Variants in DIAPH2 observed in about 807,000 individuals in gnomAD.
The protein encoded by DIAPH2 is protein diaphanous homolog 2.
A neutral mutation model predicts 92.7 loss-of-function variants in DIAPH2; 35 were observed. The observed-to-expected ratio is 0.38, with a 90% CI of 0.29 to 0.50. The LOEUF is 0.50. Ranked by LOEUF, DIAPH2 falls within the 20% of genes least tolerant of loss-of-function variation. DIAPH2 has a pLI of 0.94. For synonymous variants in DIAPH2, 301 were observed against 280.4 expected (o/e 1.07, Z -0.73); for missense variants, 701 against 819.5 (o/e 0.86, Z 1.77).
chrX:97,142,407 A>G (rs183616069), intron 22 of DIAPH2, among the ~76,000 whole-genome samples: 5 of 111,505 alleles, frequency 4.5e-5, no homozygotes, highest in Non-Finnish European at 9.4e-5. Context: ...GAGCAAGGCA[A>G]AGTGGCAGAA....
At chrX:97,568,400 A>C (rs2071342889) in intron 26 of DIAPH2, among the ~76,000 whole-genome samples, 1 of 111,141 alleles carries the variant, frequency 9.0e-6, no homozygotes, top group Non-Finnish European at 1.9e-5. Flanking sequence ...ATAACAAAAT[A>C]GAAGGAGTGT....
At chrX:97,188,209 G>A (rs2067623862) in intron 22 of DIAPH2, among the ~76,000 whole-genome samples, 1 of 112,175 alleles carries the variant, frequency 8.9e-6, no homozygotes, top group Non-Finnish European at 1.9e-5. Context: ...CAAAATCTGT[G>A]CTTTATCTCA....
At chrX:97,099,272 A>G (rs1002829108) in intron 19 of DIAPH2, among the ~76,000 whole-genome samples, 2 of 110,551 alleles carry the variant, frequency 1.8e-5, no homozygotes, top group Non-Finnish European at 3.8e-5. Context: ...AGGCTGAGGC[A>G]GGAGAATGGC....
At position 96,888,162 on chromosome X, in the gene DIAPH2, G is replaced by A. The variant is rs753060762; in HGVS notation, c.587+6444G>A. Among the ~76,000 whole-genome samples the A allele has an allele frequency of 2.4e-4, 26 of 109,426 alleles. No homozygotes were observed. The East Asian group carries it at 6.6e-3, about 28-fold the overall frequency. ...TGCAACCTCTGCCTCCCAGGTTCAA[G>A]TGATTCTCCTGCCTCAGCCTCCTGA... On this transcript the variant is annotated intron_variant, in intron 5 of 26. Coordinates refer to ENST00000324765, the MANE Select transcript of DIAPH2 (RefSeq NM_006729.5).
At chrX:96,914,894 T>G (rs2065493250) in intron 7 of DIAPH2, among the ~76,000 whole-genome samples, 1 of 111,290 alleles carries the variant, frequency 9.0e-6, no homozygotes, top group Non-Finnish European at 1.9e-5. Flanking sequence ...GAATAGAAAA[T>G]ATGCAGTGAT....
At chrX:96,990,575 A>T (rs920025617) in intron 17 of DIAPH2, among the ~76,000 whole-genome samples, 5 of 110,674 alleles carry the variant, frequency 4.5e-5, no homozygotes, top group Non-Finnish European at 7.6e-5. Flanking sequence ...TTTTCGAAAA[A>T]GTTTTGTTTG....
chrX:97,394,453 C>T (rs916997488), intron 25 of DIAPH2, among the ~76,000 whole-genome samples: 2 of 111,274 alleles, frequency 1.8e-5, no homozygotes, highest in African/African-American at 6.5e-5. Context: ...GCAAAGATTT[C>T]AAGAAATCTA....
At chrX:97,376,007 T>C (rs962469581) in intron 24 of DIAPH2, among the ~76,000 whole-genome samples, 4 of 110,718 alleles carry the variant, frequency 3.6e-5, no homozygotes, top group African/African-American at 3.3e-5. Flanking sequence ...AGAAGTAAAA[T>C]TAAACTCCTA....
At chrX:97,067,710 A>G in intron 17 of DIAPH2, among the ~76,000 whole-genome samples, 1 of 111,985 alleles carries the variant, frequency 8.9e-6, no homozygotes. Context: ...TACTGCATGT[A>G]CCATTTTCCA....
chrX:96,717,816 G>GTATATATATA (rs61272505), intron 1 of DIAPH2, among the ~76,000 whole-genome samples: 12 of 36,372 alleles, frequency 3.3e-4, no homozygotes, highest in Non-Finnish European at 4.9e-4. Context: ...TGGGTATATA[G>GTATATATATA]TATATATATA....
intron 2 of DIAPH2, among the ~76,000 whole-genome samples, chrX:96,736,994 G>C (rs1487478798): frequency 2.7e-5 from 3 of 111,684 alleles, no homozygotes; most frequent in African/African-American, 9.7e-5. Flanking sequence ...TGAGTTGTTT[G>C]AAGATATACT....
At chrX:97,536,936 C>T in intron 26 of DIAPH2, among the ~76,000 whole-genome samples, 1 of 112,024 alleles carries the variant, frequency 8.9e-6, no homozygotes, top group South Asian at 3.7e-4. Context: ...ACCATAATCT[C>T]TGTTTTCAAG....
chrX:96,704,200 G>T (rs2063870768), intron 1 of DIAPH2, among the ~76,000 whole-genome samples: 1 of 112,100 alleles, frequency 8.9e-6, no homozygotes, highest in Non-Finnish European at 1.9e-5. Context: ...ATTTTAAAAA[G>T]ATATAGGTCT....
At chrX:96,935,126 A>T (rs1296748129) in intron 10 of DIAPH2, among the ~76,000 whole-genome samples, 1 of 111,914 alleles carries the variant, frequency 8.9e-6, no homozygotes, top group Admixed American at 9.5e-5. Flanking sequence ...AGAGTGTTTC[A>T]CATAATTAAT....
chrX:97,305,824 C>CAAAAAAAAAAAAAAAAAAA (rs754094514), intron 23 of DIAPH2, among the ~76,000 whole-genome samples: 5 of 49,198 alleles, frequency 1.0e-4, no homozygotes, highest in African/African-American at 3.0e-4. Flanking sequence ...ACTCCTTCTC[C>CAAAAAAAAAAAAAAAAAAA]AAAAAAAAAA....
Position 96,940,875 on chromosome X carries a change from C to A in DIAPH2, c.1326-1143C>A, listed in dbSNP as rs1012454305. Reference sequence around the variant, plus strand: ...CAACTATGAATAAATAAGAAGTTATCCTCATATGGCATGTTTTTCATCCTA... The same window carrying A: ...CAACTATGAATAAATAAGAAGTTATACTCATATGGCATGTTTTTCATCCTA... On this transcript the variant is annotated intron_variant, in intron 12 of 26. Transcript: ENST00000324765. Among the ~76,000 whole-genome samples, 4 of 110,758 alleles carry A rather than the reference C, an allele frequency of 3.6e-5. No individual in the cohort carries two copies. The Admixed American group carries it at 3.8e-4, about 11-fold the overall frequency.
At chrX:97,089,112 A>G (rs972351370) in intron 19 of DIAPH2, among the ~76,000 whole-genome samples, 2 of 112,355 alleles carry the variant, frequency 1.8e-5, no homozygotes, top group Admixed American at 1.9e-4. Flanking sequence ...GTAGCATCGT[A>G]AATAGGGAAG....
At chrX:97,505,238 C>G (rs2070824210) in intron 26 of DIAPH2, among the ~76,000 whole-genome samples, 1 of 112,017 alleles carries the variant, frequency 8.9e-6, no homozygotes. Flanking sequence ...GAATCATCAT[C>G]ATTACGGGGC....
intron 5 of DIAPH2, among the ~76,000 whole-genome samples, chrX:96,899,879 C>G (rs1436807889): frequency 9.0e-6 from 1 of 110,899 alleles, no homozygotes; most frequent in Non-Finnish European, 1.9e-5. Flanking sequence ...ATAGATAGCT[C>G]TTATTGTTTT....
Sources: allele counts gnomAD v4.1 joint callset (sites outside exome capture counted in the v4.1 genomes callset), GRCh38; gene constraint gnomAD v4.1.1; transcripts MANE v1.5; gene names NCBI Gene and HGNC (gene_info 2026-07-23, HGNC 2026-07-21).